Variants in PRSS23 observed in about 807,000 individuals in gnomAD.
PRSS23 encodes serine protease 23, also known as protease, serine 23.
A neutral mutation model predicts 34.7 loss-of-function variants in PRSS23; 25 were observed. That is an observed-to-expected ratio of 0.72 (90% CI 0.53 to 1.01). PRSS23 has a LOEUF of 1.01. Among genes scored for constraint, PRSS23 ranks in the 50% least tolerant of loss-of-function variants. The pLI, the probability that PRSS23 is intolerant of heterozygous loss-of-function variation, is 0.00. For synonymous variants in PRSS23, 176 were observed against 186.6 expected, an observed-to-expected ratio of 0.94 and a Z score of 0.46; for missense variants, 445 against 475.6, an observed-to-expected ratio of 0.94 and a Z score of 0.60.
At chr11:86,907,322 G>A (rs1430628636) in intron 2 of PRSS23, among the ~76,000 whole-genome samples, 3 of 152,102 alleles carry the variant, frequency 2.0e-5, no homozygotes, top group South Asian at 2.1e-4. Flanking sequence ...TATGATAAAT[G>A]TTTATTGAAC....
chr11:86,802,452 C>T (rs1437774671), intron 1 of PRSS23, among the ~76,000 whole-genome samples: 1 of 152,124 alleles, frequency 6.6e-6, no homozygotes, highest in Non-Finnish European at 1.5e-5. Flanking sequence ...AGAACAAGCC[C>T]GACTGCAGAG....
upstream of PRSS23, among the ~76,000 whole-genome samples, chr11:86,799,873 C>T (rs552004558): frequency 2.6e-5 from 4 of 152,322 alleles, no homozygotes; most frequent in Admixed American, 2.6e-4. Context: ...TTGGGCCCCA[C>T]GCACAGCACT....
chr11:86,853,238 C>T (rs1327484940), intron 2 of PRSS23, among the ~76,000 whole-genome samples: 1 of 127,182 alleles, frequency 7.9e-6, no homozygotes, highest in Admixed American at 8.9e-5. Flanking sequence ...TCACAAGTGC[C>T]TGCCTTTTTT....
intron 2 of PRSS23, among the ~76,000 whole-genome samples, chr11:86,906,419 A>G (rs192336969): frequency 1.1e-3 from 171 of 152,316 alleles, no homozygotes; most frequent in African/African-American, 3.6e-3. Context: ...GCTTTCGCCC[A>G]GCTGCCCGCC....
chr11:86,924,439 T>A (rs1468126754), intron 2 of PRSS23, among the ~76,000 whole-genome samples: 1 of 152,202 alleles, frequency 6.6e-6, no homozygotes, highest in East Asian at 1.9e-4. Flanking sequence ...CTGTTAAATT[T>A]TGGAGACCTG....
At chr11:86,852,556 T>A (rs958443429) in intron 2 of PRSS23, among the ~76,000 whole-genome samples, 10 of 152,072 alleles carry the variant, frequency 6.6e-5, no homozygotes, top group Non-Finnish European at 1.0e-4. Context: ...CACATATAAA[T>A]ATTAAAAATT....
intron 2 of PRSS23, chr11:86,936,393 G>C (rs544516631): frequency 3.9e-5 from 6 of 152,270 alleles, no homozygotes; most frequent in African/African-American, 1.4e-4. Context: ...TCAGCCTCCC[G>C]AGTAGCTGGG....
chr11:86,832,983 G>A, intron 2 of PRSS23: 2 of 401,254 alleles, frequency 5.0e-6, no homozygotes, highest in South Asian at 4.3e-5. Flanking sequence ...AAATTGTGCA[G>A]CTGGGAGTCT....
intron 2 of PRSS23, among the ~76,000 whole-genome samples, chr11:86,908,202 T>G (rs1205641272): frequency 2.0e-5 from 3 of 152,250 alleles, no homozygotes; most frequent in Non-Finnish European, 2.9e-5. Context: ...TCAATTCTTT[T>G]TAATAAATAC....
intron 2 of PRSS23, among the ~76,000 whole-genome samples, chr11:86,906,850 CTG>C (rs1275720532): frequency 1.3e-5 from 2 of 152,076 alleles, no homozygotes; most frequent in African/African-American, 4.8e-5. Flanking sequence ...ATTTGTATCT[CTG>C]TACAAATTAA....
upstream of PRSS23, chr11:86,800,448 C>T (rs1002665413): frequency 2.0e-6 from 2 of 983,128 alleles, no homozygotes; most frequent in Admixed American, 6.2e-5. Flanking sequence ...GCGGCGTCCG[C>T]GCGGCTTCCC....
At position 86,808,017 on chromosome 11, in the gene PRSS23, G is replaced by A. The variant is rs368713993; in HGVS notation, c.374G>A (p.Arg125Gln). The change falls in exon 2 of 2, where the codon CGA becomes CAA. Residue 125 changes from arginine (R) to glutamine (Q), a missense_variant. By Grantham distance (43) the Arg-to-Gln change is conservative (BLOSUM62 1). Coordinates refer to ENST00000280258, the MANE Select transcript of PRSS23 (RefSeq NM_007173.6). ...HRDSGSSGKS[R>Q]RKRQIYGYDS... Reference sequence around the variant, plus strand: ...GACTCAGGGTCTTCAGGAAAGTCTCGAAGGAAGCGGCAGATTTATGGCTAT... The same window carrying A: ...GACTCAGGGTCTTCAGGAAAGTCTCAAAGGAAGCGGCAGATTTATGGCTAT... The A allele has an allele frequency of 1.2e-6, 2 of 1,613,844 alleles. No individual in the cohort carries two copies. Among genetic ancestry groups the A allele is most frequent in the Non-Finnish European group, 1.7e-6 (2 of 1,179,992 alleles).
intron 2 of PRSS23, chr11:86,912,303 C>A (rs1447306772): frequency 1.3e-5 from 2 of 152,186 alleles, no homozygotes; most frequent in Non-Finnish European, 2.9e-5. Context: ...CTTCTTAAAT[C>A]TGAGAACATA....
chr11:86,821,681 C>A lies in PRSS23; in HGVS notation c.-11-1696C>A, dbSNP rs752295832. 2.6e-6 allele frequency: 4 copies of A among 1,520,256 alleles called. No individual in the cohort carries two copies. In the South Asian group the frequency reaches 3.4e-5, roughly 13 times the overall value. 94.2% of individuals were successfully genotyped at this position (1,520,256 alleles called of 1,614,324 possible). ...ATTTTGTCAATATTGGAGCAATCTG[C>A]TCTTATGTTCTGTTGAATATACTGT... On this transcript the variant is annotated intron_variant, in intron 1 of 2. Coordinates refer to the PRSS23 transcript ENST00000533902.
chr11:86,913,617 A>G (rs992044147), intron 2 of PRSS23, among the ~76,000 whole-genome samples: 22 of 151,660 alleles, frequency 1.5e-4, no homozygotes, highest in African/African-American at 4.6e-4. Flanking sequence ...AGTTCACAGA[A>G]CAGCAGCAAT....
At chr11:86,908,770 TATTTTC>T (rs1272902776) in intron 2 of PRSS23, among the ~76,000 whole-genome samples, 2 of 152,134 alleles carry the variant, frequency 1.3e-5, no homozygotes, top group African/African-American at 2.4e-5. Flanking sequence ...AATTCATTGT[TATTTTC>T]ATTTTCAACT....
downstream of PRSS23, among the ~76,000 whole-genome samples, chr11:86,813,561 A>G (rs1304485130): frequency 6.6e-6 from 1 of 152,224 alleles, no homozygotes; most frequent in Admixed American, 6.5e-5. Context: ...CCATGAAGGG[A>G]CAGTAGGCAC....
chr11:86,792,735 C>G (rs141771358), intron 1 of PRSS23, among the ~76,000 whole-genome samples: 1 of 151,958 alleles, frequency 6.6e-6, no homozygotes, highest in East Asian at 1.9e-4. Flanking sequence ...GAAAAATGGA[C>G]AGAATGTAGA....
chr11:86,900,347 C>T (rs1359669341), intron 2 of PRSS23, among the ~76,000 whole-genome samples: 1 of 152,218 alleles, frequency 6.6e-6, no homozygotes, highest in Non-Finnish European at 1.5e-5. Context: ...CCCGTATGCT[C>T]AGGCTCTGTG....
Sources: allele counts gnomAD v4.1 joint callset (sites outside exome capture counted in the v4.1 genomes callset), GRCh38; gene constraint gnomAD v4.1.1; transcripts MANE v1.5; gene names NCBI Gene and HGNC (gene_info 2026-07-23, HGNC 2026-07-21).